The following MCF2L2 variants were observed in gnomAD, a reference collection of about 807,000 sequenced individuals.
MCF2L2 encodes MCF.2 cell line derived transforming sequence-like 2.
In MCF2L2, 102 loss-of-function variants were observed where a neutral mutation model predicts 150.2. The observed-to-expected ratio is 0.68, with a 90% CI of 0.58 to 0.80. The LOEUF (loss-of-function observed/expected upper bound fraction) is 0.80, where lower values mean the gene tolerates loss of function less well. MCF2L2 is among the 30% of genes least tolerant of loss of function. The pLI is 0.00. For missense variants in MCF2L2, 1,256 were observed against 1,372.8 expected, an observed-to-expected ratio of 0.91 and a Z score of 1.34; for synonymous variants, 465 against 491.3, an observed-to-expected ratio of 0.95 and a Z score of 0.71.
At chr3:183,300,560 C>T (rs1426127538) in intron 10 of MCF2L2, among the ~76,000 whole-genome samples, 1 of 152,120 alleles carries the variant, frequency 6.6e-6, no homozygotes, top group Non-Finnish European at 1.5e-5. Flanking sequence ...GGCAGAAAAG[C>T]ATGGAGTGCA....
intron 3 of MCF2L2, among the ~76,000 whole-genome samples, chr3:183,351,209 TATATATATATATATATATATA>T (rs1731110560): frequency 1.3e-5 from 1 of 78,764 alleles, no homozygotes; most frequent in Non-Finnish European, 2.3e-5. Context: ...TATATATATA[TATATATATATATATATATATA>T]TATATATTTA....
intron 18 of MCF2L2, chr3:183,224,542 A>G: frequency 5.7e-6 from 1 of 174,162 alleles, no homozygotes; most frequent in Non-Finnish European, 1.2e-5. Flanking sequence ...ACAGGTCTGC[A>G]ATGAGTAGTA....
At chr3:183,218,658 AT>A (rs371778465) in intron 21 of MCF2L2, among the ~76,000 whole-genome samples, 3,167 of 151,696 alleles carry the variant, frequency 0.021, 95 homozygotes, top group African/African-American at 0.071. Flanking sequence ...ATAAGAAATA[AT>A]TTTTTTTTAA....
intron 15 of MCF2L2, among the ~76,000 whole-genome samples, chr3:183,238,645 G>C (rs970437792): frequency 9.9e-5 from 15 of 151,442 alleles, no homozygotes; most frequent in Non-Finnish European, 2.1e-4. Context: ...CTTCCAGCGT[G>C]GCCCAGGAAA....
In MCF2L2 at chr3:183,392,829, C is replaced by T. The variant is rs960665555; in HGVS notation, c.77-3050G>A. 3.7e-4 allele frequency among the ~76,000 whole-genome samples: 56 copies of T among 152,168 alleles called. 1 individual carries two copies. The highest frequency in any genetic ancestry group is 1.9e-4 in the East Asian group (1 of 5,186). ...ACCAAGAGACACAAAGATCACCCTG[C>T]GGCTGGCAGGCCCTGCCTCCCACTC... On this transcript the variant is annotated intron_variant, in intron 1 of 29. Coordinates refer to ENST00000328913, the MANE Select transcript of MCF2L2 (RefSeq NM_015078.4).
chr3:183,247,246 T>C (rs1246868876), intron 15 of MCF2L2, among the ~76,000 whole-genome samples: 1 of 152,200 alleles, frequency 6.6e-6, no homozygotes, highest in Non-Finnish European at 1.5e-5. Flanking sequence ...TGTCAGTCCA[T>C]TGAAACAGTG....
In MCF2L2 at chr3:183,276,865, G is replaced by C; in HGVS notation, c.1862+7C>G. The C allele has an allele frequency of 6.2e-7, 1 of 1,603,562 alleles. No individual in the cohort carries two copies. Among genetic ancestry groups the C allele is most frequent in the Non-Finnish European group, 8.5e-7 (1 of 1,174,106 alleles). ...CGCCCCCTGCACCCACGGATGTGCA[G>C]TCTTACCTGCGGGGGGAAAGGTCTC... On this transcript the variant is annotated splice_region_variant and intron_variant, in intron 15 of 29. Transcript: ENST00000328913.
Position 183,228,349 on chromosome 3 carries a change from A to T in MCF2L2, c.2063T>A (p.Leu688Ter), listed in dbSNP as rs1376057122. 6.2e-7 allele frequency: 1 copy of T among 1,613,034 alleles called. No homozygotes were observed. Among genetic ancestry groups the T allele is most frequent in the Non-Finnish European group, 8.5e-7 (1 of 1,179,170 alleles). The change falls in exon 18 of 30, where the codon TTG becomes TAG. Residue 688 changes from leucine to a stop codon, truncating the protein, a stop_gained. Transcript: ENST00000328913. LOFTEE classifies it high-confidence loss of function. Reference protein sequence around the residue: ...EFHNRTFLKELEKCAENPELL... With the variant: ...EFHNRTFLKE ...TTCAGGGTTCTCAGCACACTTTTCC[A>T]ACTCTTTTAGAAAAGTCCTAGAAAA... is the stretch of plus-strand genomic sequence containing the variant.
Position 183,392,796 on chromosome 3 carries a change from T to G in MCF2L2, c.77-3017A>C, listed in dbSNP as rs118101474. ...TTCTGCCCCCAGTAAAGTACACTTA[T>G]GCTCTACACCAAGAGACACAAAGAT... is the stretch of plus-strand genomic sequence containing the variant. On this transcript the variant is annotated intron_variant, in intron 1 of 29. Transcript: ENST00000328913. 3.4e-4 allele frequency among the ~76,000 whole-genome samples: 51 copies of G among 152,180 alleles called. 1 individual carries two copies. In the East Asian group the frequency reaches 8.1e-3, roughly 24 times the overall value.
chr3:183,247,043 G>C (rs1205556729), intron 15 of MCF2L2, among the ~76,000 whole-genome samples: 1 of 152,160 alleles, frequency 6.6e-6, no homozygotes, highest in Non-Finnish European at 1.5e-5. Context: ...TTCTCAATAA[G>C]TGTTAATTGA....
At chr3:183,206,955 AAGGAAGGAAGGAAGGAAGGG>A (rs778548966) in intron 23 of MCF2L2, among the ~76,000 whole-genome samples, 28,449 of 68,232 alleles carry the variant, frequency 0.42, 3,714 homozygotes, top group East Asian at 0.56. Flanking sequence ...GGAAGGAAGG[AAGGAAGGAAGGAAGGAAGGG>A]AGGGAGGGAG....
chr3:183,204,879 G>T (rs370727780), intron 25 of MCF2L2, among the ~76,000 whole-genome samples: 1 of 152,008 alleles, frequency 6.6e-6, no homozygotes, highest in South Asian at 2.1e-4. Context: ...AAAAAAATAC[G>T]CAAAGTGAAA....
At chr3:183,248,970 T>A (rs1724387579) in intron 15 of MCF2L2, among the ~76,000 whole-genome samples, 1 of 152,260 alleles carries the variant, frequency 6.6e-6, no homozygotes, top group African/African-American at 2.4e-5. Flanking sequence ...CCCATCTTGC[T>A]GTCAATAATC....
At chr3:183,266,804 T>TTTTTTTG (rs1726178718) in intron 15 of MCF2L2, among the ~76,000 whole-genome samples, 1 of 151,964 alleles carries the variant, frequency 6.6e-6, no homozygotes, top group African/African-American at 2.4e-5. Flanking sequence ...TTTTTTTTTT[T>TTTTTTTG]GAGATGGAAT....
At position 183,271,701 on chromosome 3, in the gene MCF2L2, G is replaced by A. The variant is rs1184195312; in HGVS notation, c.1862+5171C>T. 5 of 166,932 alleles carry A rather than the reference G, an allele frequency of 3.0e-5. No homozygotes were observed. The Admixed American group carries it at 3.3e-4, about 11-fold the overall frequency. 10.3% of individuals were successfully genotyped at this position (166,932 alleles called of 1,614,324 possible). On this transcript the variant is annotated intron_variant, in intron 15 of 29. Transcript: ENST00000328913. ...TGCTCATAGGGTCCTTCTCTAGGGA[G>A]AAACCATTGTTAATTCAAATAAGCT...
intron 2 of MCF2L2, among the ~76,000 whole-genome samples, chr3:183,380,325 AAC>A (rs764490836): frequency 4.6e-5 from 7 of 152,210 alleles, no homozygotes; most frequent in Non-Finnish European, 8.8e-5. Flanking sequence ...TTTTGAGGGA[AAC>A]ACAGTGACAG....
chr3:183,263,165 A>C (rs1425593418), intron 15 of MCF2L2, among the ~76,000 whole-genome samples: 1 of 152,146 alleles, frequency 6.6e-6, no homozygotes, highest in Non-Finnish European at 1.5e-5. Flanking sequence ...CATGTAAACA[A>C]CTTCCTGGCT....
At chr3:183,190,453 C>A (rs978538333) in intron 27 of MCF2L2, among the ~76,000 whole-genome samples, 15 of 152,214 alleles carry the variant, frequency 9.9e-5, no homozygotes, top group African/African-American at 3.4e-4. Context: ...TATTGAAAAA[C>A]GGCTTTCAGA....
intron 15 of MCF2L2, among the ~76,000 whole-genome samples, chr3:183,252,425 C>T (rs1724595135): frequency 6.6e-6 from 1 of 152,178 alleles, no homozygotes; most frequent in African/African-American, 2.4e-5. Flanking sequence ...AAAAGAACTG[C>T]ATGATTTAAA....
Sources: allele counts gnomAD v4.1 joint callset (sites outside exome capture counted in the v4.1 genomes callset), GRCh38; gene constraint gnomAD v4.1.1; transcripts MANE v1.5; gene names NCBI Gene and HGNC (gene_info 2026-07-23, HGNC 2026-07-21).